Variants in BCHE observed in about 807,000 individuals in gnomAD.
The protein encoded by BCHE is cholinesterase.
BCHE carries 48 observed loss-of-function variants against 51.3 expected under a neutral mutation model. That is an observed-to-expected ratio of 0.94 (90% CI 0.74 to 1.19). BCHE has a LOEUF of 1.19. Among genes scored for constraint, BCHE ranks in the 50% most tolerant of loss-of-function variants. The probability of loss-of-function intolerance (pLI) is 0.00; values close to 1 mark genes in which losing one functional copy is unlikely to be tolerated. For missense variants in BCHE, 847 were observed against 708.2 expected (o/e 1.20, Z -2.23); for synonymous variants, 251 against 238.0 (o/e 1.05, Z -0.50).
At chr3:165,816,705 C>G (rs1462100622) in intron 2 of BCHE, among the ~76,000 whole-genome samples, 1 of 152,008 alleles carries the variant, frequency 6.6e-6, no homozygotes. Context: ...CTGAAATATT[C>G]TCTTTATTTA....
chr3:165,809,636 G>T (rs1187814447), intron 2 of BCHE, among the ~76,000 whole-genome samples: 1 of 152,016 alleles, frequency 6.6e-6, no homozygotes, highest in African/African-American at 2.4e-5. Flanking sequence ...AAGGCAAATT[G>T]TATTAAGGCA....
chr3:165,825,261 G>T (rs2108231263), intron 2 of BCHE, among the ~76,000 whole-genome samples: 1 of 152,098 alleles, frequency 6.6e-6, no homozygotes, highest in African/African-American at 2.4e-5. Context: ...CTAAAGAATA[G>T]TGATGTAGTA....
At chr3:165,817,921 C>A (rs1714371092) in intron 2 of BCHE, among the ~76,000 whole-genome samples, 1 of 151,984 alleles carries the variant, frequency 6.6e-6, no homozygotes, top group Non-Finnish European at 1.5e-5. Flanking sequence ...GCCTTACAAT[C>A]TAAAGAAGGA....
intron 2 of BCHE, among the ~76,000 whole-genome samples, chr3:165,794,235 T>C (rs1713283068): frequency 6.6e-6 from 1 of 152,164 alleles, no homozygotes; most frequent in Admixed American, 6.5e-5. Context: ...CACAAGGCAA[T>C]GTCCTAGGTA....
chr3:165,779,121 A>G (rs114245139), intron 3 of BCHE, among the ~76,000 whole-genome samples: 53 of 152,284 alleles, frequency 3.5e-4, no homozygotes, highest in African/African-American at 1.3e-3. Flanking sequence ...TTTTGACAAC[A>G]TATTAATCTC....
At chr3:165,834,274 G>A (rs908854201) in intron 1 of BCHE, among the ~76,000 whole-genome samples, 1 of 151,802 alleles carries the variant, frequency 6.6e-6, no homozygotes, top group Non-Finnish European at 1.5e-5. Context: ...ATGCTGAGTA[G>A]GTCTTGTTAT....
intron 2 of BCHE, among the ~76,000 whole-genome samples, chr3:165,813,547 A>G (rs554862975): frequency 6.6e-6 from 1 of 151,904 alleles, no homozygotes; most frequent in South Asian, 2.1e-4. Flanking sequence ...AGTTTATTAC[A>G]AGCATACTGT....
At position 165,829,663 on chromosome 3, in the gene BCHE, C is replaced by G; in HGVS notation, c.1371G>C (p.Pro457=). ...GCATCACTCCCATCCATTCTGGCCA[C>G]GGAAGTTTGGAGGATCGGTGTTCAA... ...YYFEHRSSKL[P]WPEWMGVMHG... Residue 457 remains proline (P), a synonymous_variant, in exon 2 of 4, where the codon CCG becomes CCC. Coordinates refer to ENST00000264381, the MANE Select transcript of BCHE (RefSeq NM_000055.4). 1 of 1,613,768 alleles carries G rather than the reference C, an allele frequency of 6.2e-7. No individual in the cohort carries two copies. Among genetic ancestry groups the G allele is most frequent in the Non-Finnish European group, 8.5e-7 (1 of 1,179,864 alleles).
At chr3:165,802,650 A>G (rs1037956668) in intron 2 of BCHE, among the ~76,000 whole-genome samples, 2 of 151,112 alleles carry the variant, frequency 1.3e-5, no homozygotes, top group African/African-American at 4.9e-5. Flanking sequence ...TTGTAATTGT[A>G]AATGGAGACA....
intron 2 of BCHE, among the ~76,000 whole-genome samples, chr3:165,798,505 A>G (rs1241684046): frequency 2.0e-5 from 3 of 152,178 alleles, no homozygotes; most frequent in Non-Finnish European, 4.4e-5. Context: ...AGGCAATTTT[A>G]TTATTCAGAT....
chr3:165,815,247 GAA>G (rs36087072), intron 2 of BCHE, among the ~76,000 whole-genome samples: 103,791 of 145,072 alleles, frequency 0.72, 37,048 homozygotes, highest in East Asian at 0.8. Context: ...TTTGATTTTA[GAA>G]AAAAAAAAAA....
rs575838916 is a variant in BCHE at position 165,801,539 on chromosome 3, A to G, written c.1518-15228T>C. 1.8e-4 allele frequency among the ~76,000 whole-genome samples: 27 copies of G among 152,300 alleles called. No homozygotes were observed. The South Asian group carries it at 5.6e-3, about 32-fold the overall frequency. Reference sequence around the variant, plus strand: ...TATGAAATATGGAACAAAGCATATAATATACATTATAAAGATAAATAAATA... The same window carrying G: ...TATGAAATATGGAACAAAGCATATAGTATACATTATAAAGATAAATAAATA... On this transcript the variant is annotated intron_variant, in intron 2 of 3. Transcript: ENST00000264381.
intron 2 of BCHE, 51 bp from the exon 3 acceptor site, chr3:165,786,362 T>A (rs1712951848): frequency 6.7e-7 from 1 of 1,481,554 alleles, no homozygotes. Context: ...ATTGTTAGAT[T>A]AAAAAGAATA....
chr3:165,834,208 C>T (rs1715102519), intron 1 of BCHE, among the ~76,000 whole-genome samples: 2 of 61,056 alleles, frequency 3.3e-5, no homozygotes, highest in Non-Finnish European at 8.9e-5. Flanking sequence ...AATATCTTCC[C>T]ATGTCACTTA....
chr3:165,791,098 C>T (rs1171910273), intron 2 of BCHE, among the ~76,000 whole-genome samples: 1 of 151,994 alleles, frequency 6.6e-6, no homozygotes, highest in Non-Finnish European at 1.5e-5. Flanking sequence ...AGTTCAACAC[C>T]AGCCTGGCCA....
At chr3:165,793,138 T>C (rs1713236521) in intron 2 of BCHE, among the ~76,000 whole-genome samples, 1 of 152,210 alleles carries the variant, frequency 6.6e-6, no homozygotes, top group South Asian at 2.1e-4. Flanking sequence ...ATATGTTTTC[T>C]TCTAGTAATT....
intron 2 of BCHE, among the ~76,000 whole-genome samples, chr3:165,825,400 A>G (rs1425606125): frequency 6.6e-6 from 1 of 152,132 alleles, no homozygotes; most frequent in African/African-American, 2.4e-5. Context: ...AACAGAAAAA[A>G]AAACCAGTCT....
intron 2 of BCHE, among the ~76,000 whole-genome samples, chr3:165,807,386 T>G (rs938771899): frequency 6.6e-6 from 1 of 151,884 alleles, no homozygotes. Context: ...TTCTCCCTAT[T>G]TAGAATACAA....
At chr3:165,786,040 A>T in intron 3 of BCHE, 105 bp downstream of exon 3, 1 of 1,211,606 alleles carries the variant, frequency 8.3e-7, no homozygotes. Flanking sequence ...TTAAAGTCAG[A>T]GATACATATA....
Sources: allele counts gnomAD v4.1 joint callset (sites outside exome capture counted in the v4.1 genomes callset), GRCh38; gene constraint gnomAD v4.1.1; transcripts MANE v1.5; gene names NCBI Gene and HGNC (gene_info 2026-07-23, HGNC 2026-07-21).